Variants in MYO1E observed in about 807,000 individuals in gnomAD.
MYO1E encodes unconventional myosin-Ie.
MYO1E carries 68 observed loss-of-function variants against 151.1 expected under a neutral mutation model. The ratio of observed to expected loss-of-function variants is 0.45; its 90% CI spans 0.37 to 0.55. The LOEUF (loss-of-function observed/expected upper bound fraction) is 0.55. Ranked by LOEUF, MYO1E falls within the 20% of genes least tolerant of loss-of-function variation. The pLI is 0.00. For synonymous variants in MYO1E, 601 were observed against 501.7 expected, an observed-to-expected ratio of 1.20 and a Z score of -2.64; for missense variants, 1,363 against 1,389.3, an observed-to-expected ratio of 0.98 and a Z score of 0.30.
chr15:59,321,077 G>GA (rs1239811363), intron 1 of MYO1E, among the ~76,000 whole-genome samples: 1 of 152,042 alleles, frequency 6.6e-6, no homozygotes, highest in Non-Finnish European at 1.5e-5. Flanking sequence ...TTAAAAAAAT[G>GA]AAAAAATGCT....
In MYO1E at chr15:59,174,081, C is replaced by G. The variant is rs749427486; in HGVS notation, c.2164+45G>C. 3 of 1,551,726 alleles carry G rather than the reference C, an allele frequency of 1.9e-6. No individual in the cohort carries two copies. The South Asian group carries it at 3.3e-5, about 17-fold the overall frequency. ...AAAACTTCACTTAAGCTCCAATTTA[C>G]TCTTCAGATTTATTAAAATCAATGA... is the stretch of plus-strand genomic sequence containing the variant. On this transcript the variant is annotated intron_variant, in intron 20 of 27. Coordinates refer to ENST00000288235, the MANE Select transcript of MYO1E (RefSeq NM_004998.4).
At chr15:59,267,716 A>C (rs1182430166) in intron 2 of MYO1E, among the ~76,000 whole-genome samples, 3 of 152,012 alleles carry the variant, frequency 2.0e-5, no homozygotes, top group Non-Finnish European at 4.4e-5. Flanking sequence ...TTGCGCAGGA[A>C]CTCTTTTCGT....
In MYO1E at chr15:59,207,048, C is replaced by G. The variant is rs1482574264; in HGVS notation, c.1531-1563G>C. The G allele has an allele frequency of 1.2e-6, 2 of 1,614,240 alleles. No homozygotes were observed. The highest frequency in any genetic ancestry group is 1.7e-5 in the Admixed American group (1 of 60,032). On this transcript the variant is annotated intron_variant, in intron 14 of 27. Transcript: ENST00000288235. ...TGTGTCCGCGTCAAGCAACGCGCAT[C>G]CCGCTCAACGGCACCTGGCTCTTCA... is the stretch of plus-strand genomic sequence containing the variant.
At chr15:59,242,814 A>G (rs1329812392) in intron 4 of MYO1E, among the ~76,000 whole-genome samples, 1 of 152,244 alleles carries the variant, frequency 6.6e-6, no homozygotes, top group Non-Finnish European at 1.5e-5. Context: ...TTTCTATGGT[A>G]GTCCAGCCTA....
chr15:59,316,073 G>A (rs531627756), intron 1 of MYO1E, among the ~76,000 whole-genome samples: 3 of 152,164 alleles, frequency 2.0e-5, no homozygotes, highest in Admixed American at 2.0e-4. Flanking sequence ...AGGAGACAGA[G>A]CAAGTAAGGA....
At position 59,137,283 on chromosome 15, in the gene MYO1E, A is replaced by G; in HGVS notation, c.*97T>C. 9.0e-7 allele frequency: 1 copy of G among 1,113,900 alleles called. No individual in the cohort carries two copies. The highest frequency in any genetic ancestry group is 1.4e-6 in the Non-Finnish European group (1 of 730,678). The allele number at this position is 1,113,900 out of a possible 1,614,324, so 69.0% of individuals were successfully genotyped here. A position where few individuals can be genotyped will look rare whatever the true frequency, so the allele number is the denominator to read the frequency against. On this transcript the variant is annotated 3_prime_UTR_variant, in exon 28 of 28. Transcript: ENST00000288235. Reference sequence around the variant, plus strand: ...AATAGCTCCAGGCCTTGGAGAAGCAATTGCTCATTGTGGATTGTAAGGGGA... The same window carrying G: ...AATAGCTCCAGGCCTTGGAGAAGCAGTTGCTCATTGTGGATTGTAAGGGGA...
At chr15:59,278,580 T>C (rs1426879789) in intron 1 of MYO1E, among the ~76,000 whole-genome samples, 1 of 152,230 alleles carries the variant, frequency 6.6e-6, no homozygotes, top group Non-Finnish European at 1.5e-5. Flanking sequence ...CAAACCAGCA[T>C]TGGGCTTGCA....
chr15:59,340,291 C>T (rs1248380370), intron 1 of MYO1E, among the ~76,000 whole-genome samples: 1 of 152,078 alleles, frequency 6.6e-6, no homozygotes, highest in Admixed American at 6.6e-5. Flanking sequence ...GCCAGGATGA[C>T]AAGCGACACC....
intron 1 of MYO1E, among the ~76,000 whole-genome samples, chr15:59,344,216 C>T (rs1311156069): frequency 1.3e-5 from 2 of 152,210 alleles, no homozygotes; most frequent in Non-Finnish European, 2.9e-5. Flanking sequence ...ACACCACAGC[C>T]GTATCTGCAT....
At chr15:59,372,423 G>A in intron 1 of MYO1E, 75 bp downstream of exon 1, 5 of 1,525,538 alleles carry the variant, frequency 3.3e-6, no homozygotes, top group East Asian at 2.5e-5. Context: ...GCGCGCCCAA[G>A]GTGGGTGCAC....
chr15:59,281,612 AATCTTTC>A (rs150130783), intron 1 of MYO1E, among the ~76,000 whole-genome samples: 6 of 152,006 alleles, frequency 3.9e-5, no homozygotes, highest in Non-Finnish European at 8.8e-5. Context: ...ACCATATTGC[AATCTTTC>A]CTAAACCTCA....
chr15:59,215,528 G>A (rs2079908040), intron 10 of MYO1E, among the ~76,000 whole-genome samples: 1 of 152,182 alleles, frequency 6.6e-6, no homozygotes, highest in Non-Finnish European at 1.5e-5. Context: ...ATGACAGCAA[G>A]GGAGGTTTGG....
intron 9 of MYO1E, among the ~76,000 whole-genome samples, chr15:59,219,050 T>C (rs1252551227): frequency 6.6e-6 from 1 of 152,142 alleles, no homozygotes; most frequent in Non-Finnish European, 1.5e-5. Flanking sequence ...TATAAGAAGA[T>C]TCCTCTGAGG....
intron 10 of MYO1E, 77 bp downstream of exon 10, chr15:59,217,814 C>T: frequency 6.5e-7 from 1 of 1,530,528 alleles, no homozygotes; most frequent in East Asian, 2.3e-5. Flanking sequence ...AGGTGTGAGC[C>T]ACCGCACCCA....
chr15:59,208,166 G>T, intron 14 of MYO1E: 3 of 1,295,770 alleles, frequency 2.3e-6, no homozygotes, highest in Non-Finnish European at 3.2e-6. Context: ...GAATAAACTT[G>T]AATTCCTAAA....
rs1215962941 is a variant in MYO1E, at chr15:59,212,837, G to C, written c.1275+1391C>G. The C allele has an allele frequency of 2.6e-5, 4 of 152,156 alleles. 1 individual carries two copies. The highest frequency in any genetic ancestry group is 9.7e-5 in the African/African-American group (4 of 41,434). The allele number at this position is 152,156 out of a possible 1,614,324, so 9.4% of individuals were successfully genotyped here. The stretch of plus-strand genomic sequence containing the variant: ...ACGGAGATTTGGATATAGACACAGA[G>C]GGACATTGAAAAAGGCTACGTGAAG... On this transcript the variant is annotated intron_variant, in intron 12 of 27. Coordinates refer to ENST00000288235, the MANE Select transcript of MYO1E (RefSeq NM_004998.4).
At position 59,181,453 on chromosome 15, in the gene MYO1E, G is replaced by GT. The variant is rs554605108; in HGVS notation, c.1905-2917dup. ...AGACACAACATGGCTATTTGTAACA[G>GT]TTTTTTAACACTTTCTGAAGGCATA... On this transcript the variant is annotated intron_variant, in intron 18 of 27. Transcript: ENST00000288235. 8.6e-4 allele frequency among the ~76,000 whole-genome samples: 131 copies of GT among 152,310 alleles called. 1 individual carries two copies. Among genetic ancestry groups the GT allele is most frequent in the African/African-American group, 2.2e-3 (91 of 41,564 alleles).
chr15:59,163,005 T>C, intron 23 of MYO1E, 152 bp downstream of exon 23: 2 of 806,380 alleles, frequency 2.5e-6, no homozygotes, highest in South Asian at 3.2e-5. Context: ...CTATCCAGAC[T>C]GTCTTCTGCA....
At chr15:59,272,282 T>C (rs1222765702) in intron 2 of MYO1E, 24 bp downstream of exon 2, 7 of 1,613,060 alleles carry the variant, frequency 4.3e-6, no homozygotes, top group Non-Finnish European at 5.1e-6. Context: ...CTTAGAAATG[T>C]CCAAAGCAGC....
Sources: allele counts gnomAD v4.1 joint callset (sites outside exome capture counted in the v4.1 genomes callset), GRCh38; gene constraint gnomAD v4.1.1; transcripts MANE v1.5; gene names NCBI Gene and HGNC (gene_info 2026-07-23, HGNC 2026-07-21).